The following FA2H variants were observed in gnomAD, a reference collection of about 807,000 sequenced individuals.
FA2H encodes the protein fatty acid 2-hydroxylase, also known as fatty acid alpha-hydroxylase.
In FA2H, 22 loss-of-function variants were observed where a neutral mutation model predicts 44.9. That is an observed-to-expected ratio of 0.49 (90% CI 0.35 to 0.70). FA2H has a LOEUF of 0.70. Among genes scored for constraint, FA2H ranks in the 30% least tolerant of loss-of-function variants. The pLI is 0.01. For missense variants in FA2H, 501 were observed against 504.9 expected (o/e 0.99, Z 0.07); for synonymous variants, 243 against 213.2 (o/e 1.14, Z -1.22).
chr16:74,733,348 C>A (rs1159365493), intron 2 of FA2H, among the ~76,000 whole-genome samples: 3 of 152,204 alleles, frequency 2.0e-5, no homozygotes, highest in Non-Finnish European at 4.4e-5. Flanking sequence ...GGCCCGCCGA[C>A]CCCCGACCCA....
chr16:74,748,569 T>C (rs1962470016), intron 1 of FA2H, among the ~76,000 whole-genome samples: 1 of 152,002 alleles, frequency 6.6e-6, no homozygotes, highest in Non-Finnish European at 1.5e-5. Flanking sequence ...GCCTCCTTTC[T>C]CCCCTCGTGG....
intron 2 of FA2H, 126 bp downstream of exon 2, chr16:74,739,897 T>G: frequency 3.7e-6 from 3 of 805,796 alleles, no homozygotes; most frequent in Non-Finnish European, 6.7e-6. Context: ...GGACACCTGC[T>G]TCTCCTTCCC....
At chr16:74,733,263 G>C (rs546027018) in intron 2 of FA2H, among the ~76,000 whole-genome samples, 14 of 152,214 alleles carry the variant, frequency 9.2e-5, no homozygotes, top group Non-Finnish European at 1.3e-4. Flanking sequence ...AACACCTATA[G>C]TTCTATGACT....
At chr16:74,765,399 C>T (rs1309454340) in intron 1 of FA2H, among the ~76,000 whole-genome samples, 6 of 152,126 alleles carry the variant, frequency 3.9e-5, no homozygotes, top group Non-Finnish European at 7.3e-5. Flanking sequence ...TCAGGTAATC[C>T]GCCTGCCTTG....
intron 2 of FA2H, among the ~76,000 whole-genome samples, chr16:74,730,812 C>T (rs569726700): frequency 7.2e-5 from 11 of 152,284 alleles, no homozygotes; most frequent in African/African-American, 2.6e-4. Context: ...ACTTGATCCT[C>T]GCCATACCCC....
chr16:74,720,180 C>CTTTTTGTTTTTTTTTTTTT (rs1961802631), intron 4 of FA2H, among the ~76,000 whole-genome samples: 1 of 47,200 alleles, frequency 2.1e-5, no homozygotes, highest in Non-Finnish European at 3.7e-5. Flanking sequence ...CATCCTCATC[C>CTTTTTGTTTTTTTTTTTTT]TTTTTTTTTT....
Position 74,726,273 on chromosome 16 carries a change from G to T in FA2H, c.565C>A (p.Arg189=). 6.2e-7 allele frequency: 1 copy of T among 1,614,066 alleles called. No individual in the cohort carries two copies. Among genetic ancestry groups the T allele is most frequent in the Non-Finnish European group, 8.5e-7 (1 of 1,179,974 alleles). ...LVLYLSWSYY[R]TFAQGNVRLF... is the part of the protein sequence containing the mutation. The stretch of plus-strand genomic sequence containing the variant: ...CGGACGTTGCCCTGGGCAAAGGTTC[G>T]GTAGTAGGACCAGCTGAGATACAGC... The change falls in exon 4 of 7, where the codon CGA becomes AGA. Residue 189 remains arginine (R), a synonymous_variant. Coordinates refer to ENST00000219368, the MANE Select transcript of FA2H (RefSeq NM_024306.5).
intron 2 of FA2H, among the ~76,000 whole-genome samples, chr16:74,732,513 T>C (rs1962093840): frequency 6.6e-6 from 1 of 151,336 alleles, no homozygotes; most frequent in South Asian, 2.1e-4. Flanking sequence ...CTCGGCTCAC[T>C]GCAACCTCCA....
At chr16:74,722,921 A>C (rs1313851882) in intron 4 of FA2H, among the ~76,000 whole-genome samples, 1 of 152,092 alleles carries the variant, frequency 6.6e-6, no homozygotes, top group East Asian at 1.9e-4. Context: ...CAAAAAAAAA[A>C]AAAAAAAAAA....
At chr16:74,750,563 A>G (rs563090012) in intron 1 of FA2H, among the ~76,000 whole-genome samples, 19 of 152,292 alleles carry the variant, frequency 1.2e-4, no homozygotes, top group African/African-American at 4.6e-4. Flanking sequence ...AGCAACAACA[A>G]CAACACCCTC....
intron 2 of FA2H, among the ~76,000 whole-genome samples, chr16:74,739,561 C>T (rs997373499): frequency 3.5e-4 from 54 of 152,214 alleles, no homozygotes; most frequent in African/African-American, 1.2e-3. Context: ...CTCCCAAACA[C>T]GGAGGATGGC....
At chr16:74,716,817 C>A (rs1343337549) in intron 5 of FA2H, 12 of 436,948 alleles carry the variant, frequency 2.7e-5, no homozygotes, top group Non-Finnish European at 3.8e-5. Flanking sequence ...AGGGACCTGG[C>A]AGATTGCAAA....
intron 1 of FA2H, among the ~76,000 whole-genome samples, chr16:74,768,001 G>A (rs1293685356): frequency 3.9e-5 from 6 of 152,120 alleles, no homozygotes; most frequent in Admixed American, 3.9e-4. Context: ...GCCAGCAAGG[G>A]CTGTTTCTGT....
chr16:74,726,969 C>A lies in FA2H; in HGVS notation c.506+275G>T, dbSNP rs8063470. Among the ~76,000 whole-genome samples the A allele has an allele frequency of 0.035, 5,347 of 152,232 alleles. 308 individuals carry two copies. The highest frequency in any genetic ancestry group is 0.12 in the African/African-American group (5,026 of 41,516). ...AATTGCAGGCAAAATTGTTCCCATGCGCATCGTGGGCAAGAAACTCCTCAT... is the reference window on the plus strand; with the variant it reads ...AATTGCAGGCAAAATTGTTCCCATGAGCATCGTGGGCAAGAAACTCCTCAT... On this transcript the variant is annotated intron_variant, in intron 3 of 6. Transcript: ENST00000219368.
Position 74,719,106 on chromosome 16 carries a change from G to A in FA2H, c.668C>T (p.Thr223Ile). ...SMFPGLFMLG[T>I]FLWSLIEYLI... is the part of the protein sequence containing the mutation. ...GTACTCGATGAGGCTCCAGAGGAAT[G>A]TCCCCAGCATGAAGAGCCCGGGGAA... is the stretch of plus-strand genomic sequence containing the variant. The change falls in exon 5 of 7, where the codon ACA becomes ATA. Residue 223 changes from threonine (T) to isoleucine (I), a missense_variant. By Grantham distance (89) the Thr-to-Ile change is moderately conservative. Coordinates refer to ENST00000219368, the MANE Select transcript of FA2H (RefSeq NM_024306.5). 3 of 1,614,000 alleles carry A rather than the reference G, an allele frequency of 1.9e-6. No individual in the cohort carries two copies. Among genetic ancestry groups the A allele is most frequent in the East Asian group, 2.2e-5 (1 of 44,878 alleles).
At chr16:74,756,472 C>A (rs1479488561) in intron 1 of FA2H, among the ~76,000 whole-genome samples, 1 of 152,144 alleles carries the variant, frequency 6.6e-6, no homozygotes, top group Non-Finnish European at 1.5e-5. Context: ...CCAGGGCAAG[C>A]CCGGCAGCCC....
At chr16:74,760,243 C>A (rs1017713890) in intron 1 of FA2H, among the ~76,000 whole-genome samples, 49 of 152,140 alleles carry the variant, frequency 3.2e-4, no homozygotes, top group Admixed American at 2.4e-3. Flanking sequence ...GGACACCAGG[C>A]CCCCGAGGGA....
At chr16:74,752,085 G>T (rs895689876) in intron 1 of FA2H, among the ~76,000 whole-genome samples, 1 of 152,102 alleles carries the variant, frequency 6.6e-6, no homozygotes, top group Non-Finnish European at 1.5e-5. Flanking sequence ...CAATGCATCA[G>T]CAAGTTCTAA....
At chr16:74,758,457 T>C (rs894984055) in intron 1 of FA2H, among the ~76,000 whole-genome samples, 1 of 152,124 alleles carries the variant, frequency 6.6e-6, no homozygotes, top group African/African-American at 2.4e-5. Flanking sequence ...CTTAACTATT[T>C]AAATTTTTAT....
Sources: allele counts gnomAD v4.1 joint callset (sites outside exome capture counted in the v4.1 genomes callset), GRCh38; gene constraint gnomAD v4.1.1; transcripts MANE v1.5; gene names NCBI Gene and HGNC (gene_info 2026-07-23, HGNC 2026-07-21).